Variants in LIMK2 observed in about 807,000 individuals in gnomAD.
LIMK2 encodes the protein LIM domain kinase 2.
A neutral mutation model predicts 75.7 loss-of-function variants in LIMK2; 35 were observed. The ratio of observed to expected loss-of-function variants is 0.46; its 90% confidence interval spans 0.35 to 0.61. The LOEUF (loss-of-function observed/expected upper bound fraction) is 0.61. LIMK2 is among the 20% of genes least tolerant of loss of function. The pLI, the probability that LIMK2 is intolerant of heterozygous loss-of-function variation, is 0.00. For synonymous variants in LIMK2, 301 were observed against 319.2 expected, an observed-to-expected ratio of 0.94 and a Z score of 0.61; for missense variants, 623 against 831.0, an observed-to-expected ratio of 0.75 and a Z score of 3.08.
chr22:31,259,483 G>A (rs1232596785), intron 4 of LIMK2, among the ~76,000 whole-genome samples: 2 of 152,088 alleles, frequency 1.3e-5, no homozygotes, highest in Non-Finnish European at 2.9e-5. Context: ...CACTCTTCAA[G>A]GACGATCCCA....
At chr22:31,261,985 G>A (rs1210241259) in intron 5 of LIMK2, 149 bp from the exon 6 acceptor site, 2 of 659,270 alleles carry the variant, frequency 3.0e-6, no homozygotes, top group East Asian at 5.2e-5. Context: ...GGGCATCCTG[G>A]AAAAGGTGTT....
At chr22:31,239,269 G>C (rs2048604980) in intron 2 of LIMK2, among the ~76,000 whole-genome samples, 1 of 152,232 alleles carries the variant, frequency 6.6e-6, no homozygotes, top group Non-Finnish European at 1.5e-5. Context: ...AAAAATCACT[G>C]CTTGCTTAAA....
intron 2 of LIMK2, among the ~76,000 whole-genome samples, chr22:31,250,058 C>G (rs2123817086): frequency 6.6e-6 from 1 of 152,204 alleles, no homozygotes; most frequent in Admixed American, 6.5e-5. Flanking sequence ...TTTTCTTCTC[C>G]TAGTGGAGAG....
intron 2 of LIMK2, among the ~76,000 whole-genome samples, chr22:31,251,001 G>A (rs535151915): frequency 3.9e-5 from 6 of 152,284 alleles, no homozygotes; most frequent in Admixed American, 6.5e-5. Context: ...GAGGAAGAGG[G>A]AGCAAGGGAA....
chr22:31,218,790 G>A (rs1287032835), intron 1 of LIMK2, among the ~76,000 whole-genome samples: 1 of 152,162 alleles, frequency 6.6e-6, no homozygotes, highest in African/African-American at 2.4e-5. Context: ...GGGCCCAGGG[G>A]TTACCATACT....
chr22:31,253,318 G>A, intron 2 of LIMK2, among the ~76,000 whole-genome samples: 1 of 152,190 alleles, frequency 6.6e-6, no homozygotes, highest in East Asian at 1.9e-4. Flanking sequence ...TAGAAAAACA[G>A]CCTTGGCTTT....
Position 31,278,404 on chromosome 22 carries a change from G to A in LIMK2, c.1880G>A (p.Ser627Asn), listed in dbSNP as rs768337817. 10 of 1,613,562 alleles carry A rather than the reference G, an allele frequency of 6.2e-6. No homozygotes were observed. The highest frequency in any genetic ancestry group is 8.5e-6 in the Non-Finnish European group (10 of 1,179,866). Residue 627 changes from serine to asparagine, a missense_variant, in exon 16 of 16, where the codon AGC becomes AAC. Transcript: ENST00000331728. Reference sequence around the variant, plus strand: ...CTGGAGGAGTTGGACCACACTGTGAGCATGCAGTACGGCCTGACCCGGGAC... The same window carrying A: ...CTGGAGGAGTTGGACCACACTGTGAACATGCAGTACGGCCTGACCCGGGAC... ...AELEELDHTV[S>N]MQYGLTRDSP...
intron 1 of LIMK2, among the ~76,000 whole-genome samples, chr22:31,217,805 A>T (rs1323036268): frequency 2.0e-5 from 3 of 152,170 alleles, no homozygotes; most frequent in Non-Finnish European, 2.9e-5. Context: ...CTCATTTGTC[A>T]CTGCAGTGTA....
At chr22:31,215,371 G>T (rs1162862934) in intron 1 of LIMK2, among the ~76,000 whole-genome samples, 6 of 152,218 alleles carry the variant, frequency 3.9e-5, no homozygotes, top group Non-Finnish European at 8.8e-5. Flanking sequence ...TTTACTGAGT[G>T]CCTGTGATGT....
At chr22:31,232,252 A>AG (rs2048535677) in intron 2 of LIMK2, among the ~76,000 whole-genome samples, 2 of 109,362 alleles carry the variant, frequency 1.8e-5, no homozygotes, top group South Asian at 3.7e-4. Context: ...GACTCCCAGG[A>AG]GAAAAAAAAA....
At position 31,267,851 on chromosome 22, in the gene LIMK2, A is replaced by T. The variant is rs1452488319; in HGVS notation, c.1204A>T (p.Asn402Tyr). The T allele has an allele frequency of 3.7e-6, 6 of 1,613,336 alleles. No individual in the cohort carries two copies. The Admixed American group carries it at 1.0e-4, about 27-fold the overall frequency. The change falls in exon 10 of 16, where the codon AAC (asparagine) becomes TAC (tyrosine). Residue 402 changes from asparagine (N) to tyrosine (Y), a missense_variant. By Grantham distance (143) the Asn-to-Tyr change is moderately radical. Transcript: ENST00000331728. The part of the protein sequence containing the change: ...IGVLYKDKKL[N>Y]LLTEYIEGGT... ...TGTGCTGTACAAGGATAAGAAGCTG[A>T]ACCTCCTGACAGAGTACATTGAGGG...
intron 1 of LIMK2, among the ~76,000 whole-genome samples, chr22:31,213,120 GTCC>G (rs1423058678): frequency 1.3e-5 from 2 of 152,090 alleles, no homozygotes; most frequent in Admixed American, 1.3e-4. Flanking sequence ...GGGGTTCTGA[GTCC>G]TCCTGTGGAA....
intron 15 of LIMK2, chr22:31,277,066 A>G (rs1204229278): frequency 1.2e-6 from 2 of 1,613,924 alleles, no homozygotes; most frequent in Non-Finnish European, 1.7e-6. Context: ...TTACAAACCC[A>G]CAGAGGCCTT....
intron 15 of LIMK2, chr22:31,277,479 A>G: frequency 1.8e-6 from 2 of 1,101,802 alleles, no homozygotes; most frequent in Non-Finnish European, 1.1e-6. Flanking sequence ...CTGGTGGGAG[A>G]ATCTATACCT....
At chr22:31,268,066 A>C in intron 10 of LIMK2, 78 bp from the exon 11 acceptor site, 1 of 1,525,166 alleles carries the variant, frequency 6.6e-7, no homozygotes, top group African/African-American at 1.4e-5. Context: ...TCACTGGGAG[A>C]CCACATTGAC....
Position 31,278,392 on chromosome 22 carries a change from A to C in LIMK2, c.1868A>C (p.Asp623Ala), listed in dbSNP as rs1428003819. 1 of 1,613,666 alleles carries C rather than the reference A, an allele frequency of 6.2e-7. No individual in the cohort carries two copies. The highest frequency in any genetic ancestry group is 8.5e-7 in the Non-Finnish European group (1 of 1,179,918). ...IPLPAELEEL[D>A]HTVSMQYGLT... ...CTGCCTGCAGAGCTGGAGGAGTTGGACCACACTGTGAGCATGCAGTACGGC... is the reference window on the plus strand; with the variant it reads ...CTGCCTGCAGAGCTGGAGGAGTTGGCCCACACTGTGAGCATGCAGTACGGC... Residue 623 changes from aspartate to alanine, a missense_variant, in exon 16 of 16, where the codon GAC becomes GCC. Asp to Ala is a moderately radical substitution (Grantham distance 126, BLOSUM62 -2). Around this residue, in one of 3 missense-constraint regions of LIMK2, gnomAD observed 46 missense variants for 46.9 expected, o/e 0.98. Transcript: ENST00000331728.
chr22:31,228,028 G>T (rs2048494192), intron 2 of LIMK2, among the ~76,000 whole-genome samples: 1 of 150,760 alleles, frequency 6.6e-6, no homozygotes, highest in Non-Finnish European at 1.5e-5. Flanking sequence ...GTGCGTGTGT[G>T]TGTGTGTGTG....
chr22:31,235,024 C>T (rs1055885003), intron 2 of LIMK2, among the ~76,000 whole-genome samples: 1 of 152,098 alleles, frequency 6.6e-6, no homozygotes, highest in Non-Finnish European at 1.5e-5. Context: ...TTTTCATAGA[C>T]CTTTCCTTTG....
intron 12 of LIMK2, among the ~76,000 whole-genome samples, chr22:31,271,957 GGCTCCA>G (rs2048962046): frequency 1.3e-5 from 2 of 152,196 alleles, no homozygotes; most frequent in African/African-American, 4.8e-5. Context: ...TCACCTCCAG[GGCTCCA>G]GTGGCTCTGC....
Sources: gnomAD v4.1 joint callset for allele counts (sites outside exome capture counted in the v4.1 genomes callset) on GRCh38, gnomAD v4.1.1 for gene constraint, gnomAD v4.1.1 regional missense constraint, MANE v1.5 for transcripts, NCBI Gene and HGNC (gene_info 2026-07-23, HGNC 2026-07-21) for gene names.